Variants in DENND4C observed in about 807,000 individuals in gnomAD.
DENND4C encodes DENN domain containing 4C, also known as DENN domain-containing protein 4C.
In DENND4C, 108 loss-of-function variants were observed where a neutral mutation model predicts 203.0. That is an observed-to-expected ratio of 0.53 (90% CI 0.46 to 0.62). DENND4C has a LOEUF of 0.62. Ranked by LOEUF, DENND4C falls within the 20% of genes least tolerant of loss-of-function variation. The probability of loss-of-function intolerance (pLI) is 0.00; values close to 1 mark genes in which losing one functional copy is unlikely to be tolerated. For missense variants in DENND4C, 2,481 were observed against 2,301.2 expected, an observed-to-expected ratio of 1.08 and a Z score of -1.60; for synonymous variants, 871 against 792.4, an observed-to-expected ratio of 1.10 and a Z score of -1.67.
intron 1 of DENND4C, among the ~76,000 whole-genome samples, chr9:19,237,342 T>G (rs1257513914): frequency 1.3e-5 from 2 of 151,776 alleles, no homozygotes; most frequent in African/African-American, 4.8e-5. Context: ...TTCAGGATTT[T>G]GTTTTTTGTT....
At chr9:19,265,768 A>G (rs1384306356) in intron 1 of DENND4C, among the ~76,000 whole-genome samples, 1 of 152,214 alleles carries the variant, frequency 6.6e-6, no homozygotes, top group East Asian at 1.9e-4. Flanking sequence ...CCATGTCACT[A>G]CAAAGGACAA....
chr9:19,278,284 C>T (rs1248550151), intron 2 of DENND4C, among the ~76,000 whole-genome samples: 1 of 151,986 alleles, frequency 6.6e-6, no homozygotes, highest in African/African-American at 2.4e-5. Context: ...TACAGGCGTG[C>T]ACCACTATGC....
intron 1 of DENND4C, among the ~76,000 whole-genome samples, chr9:19,233,316 G>C (rs1444331780): frequency 6.6e-6 from 1 of 152,176 alleles, no homozygotes; most frequent in East Asian, 1.9e-4. Context: ...GTAGCAAAGG[G>C]ATGCCTTGTT....
intron 12 of DENND4C, among the ~76,000 whole-genome samples, chr9:19,318,252 G>C (rs1158891437): frequency 6.6e-6 from 1 of 152,174 alleles, no homozygotes; most frequent in Non-Finnish European, 1.5e-5. Context: ...TCGGGAGATG[G>C]AGGTTGCAGA....
At chr9:19,314,621 G>C (rs186172609) in intron 10 of DENND4C, among the ~76,000 whole-genome samples, 1 of 152,036 alleles carries the variant, frequency 6.6e-6, no homozygotes, top group East Asian at 1.9e-4. Context: ...TGCAAAAAAA[G>C]ATTCCAAAAT....
At chr9:19,336,894 A>G in intron 20 of DENND4C, 62 bp downstream of exon 20, 1 of 1,471,740 alleles carries the variant, frequency 6.8e-7, no homozygotes, top group Non-Finnish European at 9.2e-7. Context: ...TTCCTTTTTC[A>G]AAAAGCTTCT....
intron 1 of DENND4C, among the ~76,000 whole-genome samples, chr9:19,231,844 T>C (rs2131300338): frequency 6.6e-6 from 1 of 151,930 alleles, no homozygotes; most frequent in Admixed American, 6.6e-5. Flanking sequence ...CAAACCCGTG[T>C]TGAGGCGTTC....
intron 9 of DENND4C, among the ~76,000 whole-genome samples, chr9:19,302,251 G>A (rs1345497496): frequency 1.3e-5 from 2 of 152,174 alleles, no homozygotes; most frequent in Non-Finnish European, 2.9e-5. Flanking sequence ...ATCAAAAGGA[G>A]AATGATTTAA....
At chr9:19,260,146 C>A (rs73425088) in intron 1 of DENND4C, among the ~76,000 whole-genome samples, 7,829 of 152,122 alleles carry the variant, frequency 0.051, 354 homozygotes, top group African/African-American at 0.12. Context: ...TCTTTTGGAC[C>A]TAAGCCATTT....
chr9:19,370,255 A>G (rs572979801), intron 31 of DENND4C, among the ~76,000 whole-genome samples: 1 of 152,234 alleles, frequency 6.6e-6, no homozygotes, highest in East Asian at 1.9e-4. Flanking sequence ...TGAGCTCAGG[A>G]GTTTGAGACT....
intron 1 of DENND4C, among the ~76,000 whole-genome samples, chr9:19,252,005 T>C (rs911614808): frequency 3.3e-5 from 5 of 152,188 alleles, no homozygotes; most frequent in Admixed American, 2.0e-4. Flanking sequence ...CGGATATCTT[T>C]TCAGCAGTGC....
chr9:19,337,701 T>A, intron 20 of DENND4C: 1 of 1,263,236 alleles, frequency 7.9e-7, no homozygotes, highest in Non-Finnish European at 1.0e-6. Flanking sequence ...GGTTAAATTT[T>A]GCTGACCTGC....
intron 12 of DENND4C, 73 bp from the exon 13 acceptor site, chr9:19,324,289 A>C: frequency 8.6e-7 from 1 of 1,157,792 alleles, no homozygotes; most frequent in East Asian, 2.5e-5. Context: ...ATAGATAAGT[A>C]CAAGTTTAAT....
chr9:19,279,162 C>T (rs1344885622), intron 2 of DENND4C, among the ~76,000 whole-genome samples: 1 of 133,722 alleles, frequency 7.5e-6, no homozygotes, highest in Non-Finnish European at 1.6e-5. Context: ...AACCCCATCT[C>T]TACTAAAAAT....
chr9:19,301,256 C>T (rs1838513060), intron 9 of DENND4C, among the ~76,000 whole-genome samples: 1 of 151,870 alleles, frequency 6.6e-6, no homozygotes, highest in Non-Finnish European at 1.5e-5. Context: ...TTTAGATGGT[C>T]CACTTCTCCA....
At chr9:19,246,473 A>G (rs189280762) in intron 1 of DENND4C, among the ~76,000 whole-genome samples, 2 of 152,124 alleles carry the variant, frequency 1.3e-5, no homozygotes, top group Non-Finnish European at 2.9e-5. Flanking sequence ...AGGTCTCGCT[A>G]TGTCAAGCAA....
chr9:19,265,949 T>G (rs199572675), intron 1 of DENND4C, among the ~76,000 whole-genome samples: 1 of 152,196 alleles, frequency 6.6e-6, no homozygotes, highest in African/African-American at 2.4e-5. Flanking sequence ...AGCATGATTT[T>G]TAATCCTTTG....
rs143339870 is a variant in DENND4C at position 19,292,464 on chromosome 9, A to G, written c.801+1588A>G. The G allele has an allele frequency of 5.9e-5, 9 of 152,304 alleles. No individual in the cohort carries two copies. In the East Asian group the frequency reaches 1.7e-3, roughly 29 times the overall value. 9.4% of individuals were successfully genotyped at this position (152,304 alleles called of 1,614,324 possible). A position where few individuals can be genotyped will look rare whatever the true frequency, so the allele number is the denominator to read the frequency against. On this transcript the variant is annotated intron_variant, in intron 5 of 32. Coordinates refer to ENST00000434457, the MANE Select transcript of DENND4C (RefSeq NM_001330640.2). ...GTAATAATGACATAAACTGATTTAT[A>G]AAGAAGAGAAGGCAAAAATAAACAA...
intron 2 of DENND4C, among the ~76,000 whole-genome samples, chr9:19,280,682 C>G (rs1255117148): frequency 6.6e-6 from 1 of 150,386 alleles, no homozygotes; most frequent in Non-Finnish European, 1.5e-5. Flanking sequence ...ATTCACTGTT[C>G]CCTCTTTTAG....
Sources: gnomAD v4.1 joint callset for allele counts (sites outside exome capture counted in the v4.1 genomes callset) on GRCh38, gnomAD v4.1.1 for gene constraint, MANE v1.5 for transcripts, NCBI Gene and HGNC (gene_info 2026-07-23, HGNC 2026-07-21) for gene names.